Variants in SCN9A observed in about 807,000 individuals in gnomAD.
SCN9A encodes sodium channel protein type 9 subunit alpha.
In SCN9A, 131 loss-of-function variants were observed where a neutral mutation model predicts 187.0. The ratio of observed to expected loss-of-function variants is 0.70; its 90% CI spans 0.61 to 0.81. SCN9A has a LOEUF of 0.81. SCN9A is among the 30% of genes least tolerant of loss of function. The probability of loss-of-function intolerance (pLI) is 0.00; values close to 1 mark genes in which losing one functional copy is unlikely to be tolerated. For missense variants in SCN9A, 2,252 were observed against 2,396.6 expected (o/e 0.94, Z 1.26); for synonymous variants, 809 against 808.6 (o/e 1.00, Z -0.01).
chr2:166,222,781 A>C (rs1178102300), intron 24 of SCN9A, among the ~76,000 whole-genome samples: 1 of 143,836 alleles, frequency 7.0e-6, no homozygotes, highest in African/African-American at 2.7e-5. Flanking sequence ...AAATACAAAA[A>C]TTAGCCGGGC....
At chr2:166,206,382 G>C (rs1693806517) in intron 24 of SCN9A, among the ~76,000 whole-genome samples, 1 of 152,162 alleles carries the variant, frequency 6.6e-6, no homozygotes, top group Admixed American at 6.5e-5. Flanking sequence ...CATGAAGCTG[G>C]AAACCATCAT....
Position 166,228,958 on chromosome 2 carries a change from T to A in SCN9A, c.3939A>T (p.Ala1313=). The change falls in exon 22 of 27, where the codon GCA becomes GCT. Residue 1313 remains alanine, a synonymous_variant. Coordinates refer to ENST00000642356, the MANE Select transcript of SCN9A (RefSeq NM_001365536.1). ...TGATGGAAGGAATTGCTCCTATGAG[T>A]GCATTCACAACGACCTAGTATTCAA... ...RFEGMRVVVN[A]LIGAIPSIMN... is the part of the protein sequence containing the mutation. The A allele has an allele frequency of 6.2e-7, 1 of 1,612,748 alleles. No homozygotes were observed. Among genetic ancestry groups the A allele is most frequent in the Non-Finnish European group, 8.5e-7 (1 of 1,178,968 alleles).
intron 2 of SCN9A, among the ~76,000 whole-genome samples, chr2:166,308,941 A>AG (rs1207716967): frequency 6.6e-6 from 1 of 151,378 alleles, no homozygotes; most frequent in East Asian, 1.9e-4. Context: ...AAAAAAAAAA[A>AG]AAAAGACTAA....
chr2:166,338,495 T>C (rs894782923), intron 1 of SCN9A, among the ~76,000 whole-genome samples: 4 of 152,116 alleles, frequency 2.6e-5, no homozygotes, highest in Admixed American at 6.6e-5. Flanking sequence ...TTTTTAAATT[T>C]TTTATTGTGA....
chr2:166,296,604 A>G (rs1698312531), intron 7 of SCN9A, among the ~76,000 whole-genome samples: 1 of 152,242 alleles, frequency 6.6e-6, no homozygotes, highest in African/African-American at 2.4e-5. Context: ...GTTCACATTT[A>G]TCAACCACTG....
chr2:166,224,127 G>A (rs1050775143), intron 24 of SCN9A, among the ~76,000 whole-genome samples: 2 of 152,138 alleles, frequency 1.3e-5, no homozygotes, highest in African/African-American at 4.8e-5. Flanking sequence ...TCAATTGGAT[G>A]TTGGCTGTTT....
At chr2:166,201,026 CA>C (rs1693485000) in intron 26 of SCN9A, among the ~76,000 whole-genome samples, 1 of 152,132 alleles carries the variant, frequency 6.6e-6, no homozygotes, top group Admixed American at 6.5e-5. Context: ...AATGTTCTCT[CA>C]AAATAACCAC....
intron 8 of SCN9A, 87 bp downstream of exon 8, chr2:166,294,512 G>A: frequency 1.1e-6 from 1 of 878,634 alleles, no homozygotes; most frequent in Admixed American, 2.2e-5. Context: ...AAGCAATATA[G>A]AATCAAAGAC....
At chr2:166,374,334 AT>A (rs1177998294) in intron 1 of SCN9A, among the ~76,000 whole-genome samples, 2 of 152,202 alleles carry the variant, frequency 1.3e-5, no homozygotes, top group African/African-American at 4.8e-5. Context: ...AAGCCAAACT[AT>A]CAGTTGCCTA....
intron 24 of SCN9A, 39 bp from the exon 25 acceptor site, chr2:166,204,503 G>T: frequency 7.7e-7 from 1 of 1,293,322 alleles, no homozygotes; most frequent in South Asian, 1.4e-5. Flanking sequence ...GTTAAAACCA[G>T]AATCATTGTC....
intron 26 of SCN9A, among the ~76,000 whole-genome samples, chr2:166,201,410 GC>G (rs1693514296): frequency 6.8e-6 from 1 of 146,086 alleles, no homozygotes; most frequent in Non-Finnish European, 1.5e-5. Context: ...ACGCTATATA[GC>G]ATATAGTATG....
At chr2:166,349,682 A>G (rs1230138582) in intron 1 of SCN9A, among the ~76,000 whole-genome samples, 2 of 152,228 alleles carry the variant, frequency 1.3e-5, no homozygotes, top group East Asian at 3.9e-4. Context: ...TGTATATAAC[A>G]ATACCTCAGA....
At chr2:166,358,253 A>T (rs1163703732) in intron 1 of SCN9A, among the ~76,000 whole-genome samples, 1 of 151,900 alleles carries the variant, frequency 6.6e-6, no homozygotes, top group Non-Finnish European at 1.5e-5. Flanking sequence ...TACCTTTAGT[A>T]GAGACAGGTT....
chr2:166,365,714 C>A (rs527241020), intron 1 of SCN9A, among the ~76,000 whole-genome samples: 1 of 152,104 alleles, frequency 6.6e-6, no homozygotes, highest in Non-Finnish European at 1.5e-5. Context: ...TACTCAAATA[C>A]CCTGTATAAA....
chr2:166,331,200 CTT>C (rs960401423), intron 1 of SCN9A, among the ~76,000 whole-genome samples: 5 of 152,116 alleles, frequency 3.3e-5, no homozygotes, highest in Non-Finnish European at 7.4e-5. Flanking sequence ...GCTTCATTCT[CTT>C]TGATCTTCCC....
intron 24 of SCN9A, among the ~76,000 whole-genome samples, chr2:166,214,499 CTTTCTTTTTTTTTTT>C (rs1157463669): frequency 2.4e-5 from 3 of 123,588 alleles, no homozygotes; most frequent in Non-Finnish European, 4.8e-5. Context: ...ACTCTACAAT[CTTTCTTTTTTTTTTT>C]TTTTTTTTTT....
chr2:166,246,292 C>A (rs1308757726), intron 18 of SCN9A, among the ~76,000 whole-genome samples: 1 of 151,330 alleles, frequency 6.6e-6, no homozygotes, highest in Non-Finnish European at 1.5e-5. Flanking sequence ...TCTGTGAATT[C>A]TATACTTTAC....
At chr2:166,248,427 C>T (rs552361548) in intron 18 of SCN9A, among the ~76,000 whole-genome samples, 2 of 152,182 alleles carry the variant, frequency 1.3e-5, no homozygotes, top group Admixed American at 1.3e-4. Flanking sequence ...CTCAGCATGT[C>T]ACACCCTCAC....
intron 26 of SCN9A, among the ~76,000 whole-genome samples, 179 bp from the exon 27 acceptor site, chr2:166,200,043 G>GCTGGA (rs1693427304): frequency 8.9e-6 from 1 of 112,094 alleles, no homozygotes; most frequent in African/African-American, 3.6e-5. Context: ...TGTCGCCCAG[G>GCTGGA]CTGGAGTGCA....
Sources: gnomAD v4.1 joint callset for allele counts (sites outside exome capture counted in the v4.1 genomes callset) on GRCh38, gnomAD v4.1.1 for gene constraint, MANE v1.5 for transcripts, NCBI Gene and HGNC (gene_info 2026-07-23, HGNC 2026-07-21) for gene names.